KIF26B: variants seen among roughly 807,000 people sequenced by gnomAD.
KIF26B encodes kinesin-like protein KIF26B.
In KIF26B, 63 loss-of-function variants were observed where a neutral mutation model predicts 151.2. The observed-to-expected ratio is 0.42, with a 90% CI of 0.34 to 0.51. The LOEUF (loss-of-function observed/expected upper bound fraction) is 0.51. Among genes scored for constraint, KIF26B ranks in the 20% least tolerant of loss-of-function variants. KIF26B has a pLI of 0.07. For synonymous variants in KIF26B, 1,357 were observed against 1,262.1 expected, an observed-to-expected ratio of 1.08 and a Z score of -1.59; for missense variants, 2,813 against 2,913.6, an observed-to-expected ratio of 0.97 and a Z score of 0.79.
intron 4 of KIF26B, among the ~76,000 whole-genome samples, chr1:245,521,065 T>C (rs1006462098): frequency 1.7e-4 from 26 of 152,056 alleles, no homozygotes; most frequent in East Asian, 9.7e-4. Flanking sequence ...AGGCTGGGCG[T>C]GGTGGCTCAC....
At chr1:245,246,964 G>C (rs923529166) in intron 2 of KIF26B, among the ~76,000 whole-genome samples, 23 of 142,738 alleles carry the variant, frequency 1.6e-4, no homozygotes, top group Admixed American at 6.3e-4. Flanking sequence ...CACACACACA[G>C]ACACAGACAC....
At chr1:245,258,081 G>A (rs1240060609) in intron 2 of KIF26B, among the ~76,000 whole-genome samples, 11 of 152,140 alleles carry the variant, frequency 7.2e-5, no homozygotes, top group Non-Finnish European at 1.3e-4. Context: ...GTGGTGAGTT[G>A]AGAGCAGCCC....
intron 2 of KIF26B, among the ~76,000 whole-genome samples, chr1:245,213,826 G>C (rs1669591373): frequency 1.3e-5 from 2 of 152,206 alleles, no homozygotes. Flanking sequence ...CCTGATTGAG[G>C]ATGGAGCCTG....
intron 2 of KIF26B, among the ~76,000 whole-genome samples, chr1:245,209,621 C>T (rs1669474142): frequency 6.6e-6 from 1 of 152,126 alleles, no homozygotes; most frequent in African/African-American, 2.4e-5. Context: ...AAAGGCTGGC[C>T]TGGAGCATGA....
In KIF26B at chr1:245,679,439, TG is replaced by T. The variant is rs1172130368; in HGVS notation, c.2259-4793del. ...TTTTTCTAAAAATCTGGGGGTTTTT[TG>T]TGTTTTTTTTGTGTGTGTTTTTTTT... On this transcript the variant is annotated intron_variant, in intron 10 of 14. Coordinates refer to ENST00000407071, the MANE Select transcript of KIF26B (RefSeq NM_018012.4). Among the ~76,000 whole-genome samples the T allele has an allele frequency of 7.2e-4, 108 of 149,692 alleles. 1 individual carries two copies. The highest frequency in any genetic ancestry group is 1.3e-3 in the Non-Finnish European group (91 of 67,520).
chr1:245,457,628 T>A (rs551311962), intron 4 of KIF26B, among the ~76,000 whole-genome samples: 1 of 152,336 alleles, frequency 6.6e-6, no homozygotes, highest in Non-Finnish European at 1.5e-5. Context: ...ATTTTGAATA[T>A]GGTGCTTATC....
chr1:245,424,994 G>A (rs72761176), intron 4 of KIF26B, among the ~76,000 whole-genome samples: 7 of 151,366 alleles, frequency 4.6e-5, no homozygotes, highest in Non-Finnish European at 8.8e-5. Flanking sequence ...AAAAGAGATC[G>A]AGACAACTGA....
intron 2 of KIF26B, among the ~76,000 whole-genome samples, chr1:245,345,833 A>T (rs1206395596): frequency 6.6e-6 from 1 of 151,870 alleles, no homozygotes; most frequent in Non-Finnish European, 1.5e-5. Context: ...CCAGAAGCAG[A>T]TGCCACCATG....
At chr1:245,617,809 C>G (rs2043608700) in intron 9 of KIF26B, among the ~76,000 whole-genome samples, 1 of 152,182 alleles carries the variant, frequency 6.6e-6, no homozygotes, top group Admixed American at 6.5e-5. Flanking sequence ...TAACTAGCAT[C>G]TTAGTCAATG....
chr1:245,618,383 C>T (rs112177631), intron 9 of KIF26B, among the ~76,000 whole-genome samples: 2 of 150,730 alleles, frequency 1.3e-5, no homozygotes, highest in Admixed American at 1.3e-4. Flanking sequence ...TTCCTTGAGA[C>T]AGAGTGCCAC....
At chr1:245,422,641 C>T (rs1394001103) in intron 4 of KIF26B, among the ~76,000 whole-genome samples, 1 of 152,168 alleles carries the variant, frequency 6.6e-6, no homozygotes, top group Non-Finnish European at 1.5e-5. Context: ...AGTGTCTGTC[C>T]TCATAGGGGT....
chr1:245,167,666 A>T lies in KIF26B; in HGVS notation c.465+10983A>T, dbSNP rs1256193681. Among the ~76,000 whole-genome samples, 6 of 145,124 alleles carry T rather than the reference A, an allele frequency of 4.1e-5. No individual in the cohort carries two copies. The highest frequency in any genetic ancestry group is 7.5e-5 in the Non-Finnish European group (5 of 66,834). On this transcript the variant is annotated intron_variant, in intron 2 of 14. Coordinates refer to ENST00000407071, the MANE Select transcript of KIF26B (RefSeq NM_018012.4). This position sits in a 1 kb window ranked among gnomAD's most constrained non-coding sequence, Gnocchi z 4.2. ...CAACTGGAAGCAGCCACCATTGTTT[A>T]AAAAAAAAAATCACCTGCCCAGTTC... is the stretch of plus-strand genomic sequence containing the variant.
At chr1:245,301,628 T>G (rs1671430713) in intron 2 of KIF26B, among the ~76,000 whole-genome samples, 1 of 152,180 alleles carries the variant, frequency 6.6e-6, no homozygotes, top group Admixed American at 6.5e-5. Context: ...CACGTCTTCA[T>G]CTGTCAGATG....
chr1:245,321,227 A>C (rs1042252108), intron 2 of KIF26B, among the ~76,000 whole-genome samples: 1 of 152,186 alleles, frequency 6.6e-6, no homozygotes, highest in African/African-American at 2.4e-5. Context: ...CTTTTCTAGA[A>C]TGTCAGATAG....
chr1:245,237,270 A>G (rs1670128426), intron 2 of KIF26B, among the ~76,000 whole-genome samples: 1 of 152,186 alleles, frequency 6.6e-6, no homozygotes, highest in African/African-American at 2.4e-5. Context: ...CCATCCTTAG[A>G]CTACGACTTA....
At chr1:245,631,423 C>T (rs1023315738) in intron 9 of KIF26B, among the ~76,000 whole-genome samples, 7 of 152,062 alleles carry the variant, frequency 4.6e-5, no homozygotes, top group East Asian at 3.8e-4. Flanking sequence ...GTGATGTGCA[C>T]GTTTATTGAT....
chr1:245,381,137 G>A (rs986725311), intron 3 of KIF26B, among the ~76,000 whole-genome samples: 5 of 152,138 alleles, frequency 3.3e-5, no homozygotes, highest in African/African-American at 1.2e-4. Context: ...TAACACAGTA[G>A]TGAAGGGTTA....
chr1:245,391,591 C>T (rs942717155), intron 3 of KIF26B, among the ~76,000 whole-genome samples: 2 of 149,582 alleles, frequency 1.3e-5, no homozygotes, highest in East Asian at 2.0e-4. Context: ...CAGGGGTTCA[C>T]GGTCATGCCT....
At chr1:245,626,529 A>C (rs763155914) in intron 9 of KIF26B, among the ~76,000 whole-genome samples, 33 of 152,020 alleles carry the variant, frequency 2.2e-4, no homozygotes, top group Non-Finnish European at 1.3e-4. Context: ...CCTGGTTGCC[A>C]TGTGTATGAC....
Sources: allele counts gnomAD v4.1 joint callset (sites outside exome capture counted in the v4.1 genomes callset), GRCh38; gene constraint gnomAD v4.1.1; non-coding constraint Gnocchi (gnomAD v3.1); transcripts MANE v1.5; gene names NCBI Gene and HGNC (gene_info 2026-07-23, HGNC 2026-07-21).